PDIA6: variants seen among roughly 807,000 people sequenced by gnomAD.
PDIA6 encodes protein disulfide-isomerase A6.
A neutral mutation model predicts 58.4 loss-of-function variants in PDIA6; 29 were observed. The ratio of observed to expected loss-of-function variants is 0.50; its 90% CI spans 0.37 to 0.68. The LOEUF (loss-of-function observed/expected upper bound fraction) is 0.68, where lower values mean the gene tolerates loss of function less well. PDIA6 is among the 30% of genes least tolerant of loss of function. The pLI, the probability that PDIA6 is intolerant of heterozygous loss-of-function variation, is 0.00. For synonymous variants in PDIA6, 192 were observed against 202.6 expected (o/e 0.95, Z 0.44); for missense variants, 480 against 551.0 (o/e 0.87, Z 1.29).
At chr2:10,816,299 G>T (rs1667191275), upstream of PDIA6, among the ~76,000 whole-genome samples, 1 of 151,464 alleles carries the variant, frequency 6.6e-6, no homozygotes, top group Non-Finnish European at 1.5e-5. Context: ...TGGAGAGGCT[G>T]GTCTCGAACT....
chr2:10,815,564 T>A (rs1057423045), upstream of PDIA6: 1 of 152,156 alleles, frequency 6.6e-6, no homozygotes, highest in African/African-American at 2.4e-5. Context: ...CTTTTTTTTT[T>A]GAGACAGTCT....
intron 1 of PDIA6, chr2:10,837,487 G>C (rs1473712235): frequency 1.4e-6 from 1 of 699,874 alleles, no homozygotes; most frequent in Non-Finnish European, 2.6e-6. Flanking sequence ...GGAAACTCCA[G>C]ATGGTGATTT....
At chr2:10,790,649 C>G (rs760711652) in intron 7 of PDIA6, 70 bp downstream of exon 7, 12 of 1,100,692 alleles carry the variant, frequency 1.1e-5, no homozygotes, top group Non-Finnish European at 1.7e-5. Context: ...ATAGGGAGGC[C>G]TGGAGTATTG....
intron 1 of PDIA6, among the ~76,000 whole-genome samples, chr2:10,827,077 T>C (rs1168130762): frequency 4.6e-5 from 7 of 152,178 alleles, no homozygotes; most frequent in African/African-American, 1.7e-4. Context: ...ATTGATTGAT[T>C]GATTGAGATG....
intron 2 of PDIA6, among the ~76,000 whole-genome samples, chr2:10,800,598 G>T (rs1317540405): frequency 4.7e-5 from 7 of 149,274 alleles, no homozygotes; most frequent in Non-Finnish European, 7.4e-5. Context: ...TTTTAAAGGA[G>T]ATCTTTTTTT....
In PDIA6 at chr2:10,802,618, AAAG is replaced by A. The variant is rs747077351; in HGVS notation, c.39_41del (p.Phe14del). On this transcript the variant is annotated inframe_deletion, in exon 2 of 13. Coordinates refer to ENST00000272227, the MANE Select transcript of PDIA6 (RefSeq NM_005742.4). ...AGGAATACAGACCATTCACTGCCAG[AAAG>A]AAGGTACAGCTCACCAGACCTGAAG... The A allele has an allele frequency of 6.8e-7, 1 of 1,478,458 alleles. No homozygotes were observed. 91.6% of individuals were successfully genotyped at this position (1,478,458 alleles called of 1,614,324 possible).
chr2:10,836,506 C>A (rs1667834934), upstream of PDIA6, among the ~76,000 whole-genome samples: 2 of 151,520 alleles, frequency 1.3e-5, 1 homozygote, highest in South Asian at 4.2e-4. Context: ...AGCCACTGTG[C>A]CCGGCCTTCT....
At chr2:10,796,939 T>A in intron 4 of PDIA6, 142 bp downstream of exon 4, 1 of 711,946 alleles carries the variant, frequency 1.4e-6, no homozygotes, top group Non-Finnish European at 2.4e-6. Flanking sequence ...TCGGAGGGTA[T>A]AGGAATCACT....
In PDIA6 at chr2:10,797,680, T is replaced by C; in HGVS notation, c.219+20A>G. ...GTAAAAAAAAGTTTTGTAAGCCTTT[T>C]GCATTCCTAAGAAACTTACTTTTAA... On this transcript the variant is annotated intron_variant, in intron 3 of 12. Transcript: ENST00000272227. The C allele has an allele frequency of 6.2e-7, 1 of 1,601,376 alleles. No individual in the cohort carries two copies. Among genetic ancestry groups the C allele is most frequent in the South Asian group, 1.1e-5 (1 of 89,576 alleles).
chr2:10,819,336 G>A (rs1413643199), exon 2 of PDIA6: 2 of 1,534,358 alleles, frequency 1.3e-6, no homozygotes, highest in Non-Finnish European at 1.8e-6. Context: ...TAGGGAGTGG[G>A]CAGGAGAAGT....
rs191016791 is a variant in PDIA6, at chr2:10,793,264, C to T, written c.347-62G>A. On this transcript the variant is annotated intron_variant, in intron 4 of 12. Coordinates refer to ENST00000272227, the MANE Select transcript of PDIA6 (RefSeq NM_005742.4). ...CCTTCAGCAAGTGCCTCATCTGGCC[C>T]GGCCCAAGACTGTGTCTTTACCTCA... 1.6e-3 allele frequency: 1,715 copies of T among 1,080,856 alleles called. 13 individuals carry two copies. In the African/African-American group the frequency reaches 0.022, roughly 14 times the overall value. The allele number at this position is 1,080,856 out of a possible 1,614,324, so 67.0% of individuals were successfully genotyped here.
chr2:10,792,704 G>A (rs1666089531), intron 5 of PDIA6, among the ~76,000 whole-genome samples: 2 of 150,258 alleles, frequency 1.3e-5, no homozygotes, highest in African/African-American at 4.9e-5. Flanking sequence ...ATGGATTTGG[G>A]GCTGACTGCC....
Position 10,794,997 on chromosome 2 carries a change from C to T in PDIA6, c.347-1795G>A, listed in dbSNP as rs372353279. Reference sequence around the variant, plus strand: ...CTCAGCATCTATTCAGATAATCTTGCACTGTATCGCTGGCTGAGCCTACCA... The same window carrying T: ...CTCAGCATCTATTCAGATAATCTTGTACTGTATCGCTGGCTGAGCCTACCA... On this transcript the variant is annotated intron_variant, in intron 4 of 12. Transcript: ENST00000272227. 6.2e-4 allele frequency among the ~76,000 whole-genome samples: 95 copies of T among 152,276 alleles called. 1 individual carries two copies. The South Asian group carries it at 0.019, about 31-fold the overall frequency.
chr2:10,784,896 G>A (rs760205497), intron 12 of PDIA6, 38 bp downstream of exon 12: 1 of 1,404,746 alleles, frequency 7.1e-7, no homozygotes, highest in South Asian at 1.2e-5. Context: ...GAGTAAACCA[G>A]GACTGCTGCC....
At chr2:10,789,185 T>G (rs1212357285) in intron 8 of PDIA6, among the ~76,000 whole-genome samples, 2 of 151,968 alleles carry the variant, frequency 1.3e-5, no homozygotes, top group African/African-American at 4.8e-5. Context: ...GAAGCTGTGG[T>G]GGTGGAGGTG....
intron 1 of PDIA6, among the ~76,000 whole-genome samples, chr2:10,812,348 G>A (rs1015860974): frequency 2.0e-5 from 3 of 151,842 alleles, no homozygotes; most frequent in Non-Finnish European, 4.4e-5. Context: ...GACTCTCCGG[G>A]AATACAGACC....
chr2:10,825,463 A>C (rs1405100965), intron 1 of PDIA6, among the ~76,000 whole-genome samples: 1 of 152,234 alleles, frequency 6.6e-6, no homozygotes, highest in South Asian at 2.1e-4. Context: ...AATGGACAAC[A>C]GAAGAGAAAT....
At chr2:10,787,999 G>A (rs560691354) in intron 10 of PDIA6, among the ~76,000 whole-genome samples, 1 of 148,576 alleles carries the variant, frequency 6.7e-6, no homozygotes, top group African/African-American at 2.5e-5. Flanking sequence ...CCGGGAGGCG[G>A]AGGTTGCAGT....
intron 1 of PDIA6, 88 bp downstream of exon 1, chr2:10,812,590 C>G (rs902231093): frequency 7.5e-7 from 1 of 1,331,606 alleles, no homozygotes; most frequent in African/African-American, 1.5e-5. Flanking sequence ...CCGCCTGCGG[C>G]CGCGGCCCGC....
Sources: gnomAD v4.1 joint callset for allele counts (sites outside exome capture counted in the v4.1 genomes callset) on GRCh38, gnomAD v4.1.1 for gene constraint, MANE v1.5 for transcripts, NCBI Gene and HGNC (gene_info 2026-07-23, HGNC 2026-07-21) for gene names.